The following FRMPD4 variants were observed in gnomAD, a reference collection of about 807,000 sequenced individuals.
The protein encoded by FRMPD4 is FERM and PDZ domain containing 4.
In FRMPD4, 22 loss-of-function variants were observed where a neutral mutation model predicts 94.1. The ratio of observed to expected loss-of-function variants is 0.23; its 90% confidence interval spans 0.17 to 0.33. The LOEUF is 0.33. Among genes scored for constraint, FRMPD4 ranks in the 10% least tolerant of loss-of-function variants. The pLI is 1.00. For synonymous variants in FRMPD4, 631 were observed against 548.6 expected (o/e 1.15, Z -2.10); for missense variants, 1,111 against 1,339.9 (o/e 0.83, Z 2.67).
chrX:12,348,286 C>G (rs1294598596), intron 1 of FRMPD4, among the ~76,000 whole-genome samples: 1 of 111,928 alleles, frequency 8.9e-6, no homozygotes, highest in Non-Finnish European at 1.9e-5. Context: ...CATTCTCCAT[C>G]CACTGAAGTC....
At chrX:12,610,946 A>T (rs2059177293) in intron 3 of FRMPD4, among the ~76,000 whole-genome samples, 2 of 111,413 alleles carry the variant, frequency 1.8e-5, no homozygotes. Context: ...CATGAGAAGA[A>T]ATGATCATTG....
At chrX:11,880,906 G>C (rs182761251) in intron 3 of FRMPD4, among the ~76,000 whole-genome samples, 120 of 112,271 alleles carry the variant, frequency 1.1e-3, no homozygotes, top group African/African-American at 3.5e-3. Flanking sequence ...ACCTCCCAAA[G>C]TGTTGGGATT....
chrX:12,341,100 A>G (rs1269666256), intron 1 of FRMPD4, among the ~76,000 whole-genome samples: 1 of 112,114 alleles, frequency 8.9e-6, no homozygotes, highest in Non-Finnish European at 1.9e-5. Flanking sequence ...TTTTCAAGTC[A>G]GTTTTTAAAT....
chrX:12,175,590 G>A (rs1472662279), intron 1 of FRMPD4, among the ~76,000 whole-genome samples: 1 of 112,081 alleles, frequency 8.9e-6, no homozygotes, highest in Non-Finnish European at 1.9e-5. Flanking sequence ...CGTGATCTCT[G>A]CTCATTGCAA....
intron 1 of FRMPD4, among the ~76,000 whole-genome samples, chrX:12,249,456 G>T (rs2054003061): frequency 1.8e-5 from 2 of 111,434 alleles, no homozygotes; most frequent in Non-Finnish European, 1.9e-5. Flanking sequence ...ACCCAAACCA[G>T]ATGAGCTGCT....
At chrX:12,187,843 T>C (rs377687960) in intron 1 of FRMPD4, among the ~76,000 whole-genome samples, 4 of 111,943 alleles carry the variant, frequency 3.6e-5, no homozygotes, top group African/African-American at 1.3e-4. Flanking sequence ...TTATTCCTTT[T>C]TGTGAGTCAC....
chrX:12,396,698 A>C (rs1385294524), intron 1 of FRMPD4, among the ~76,000 whole-genome samples: 1 of 112,039 alleles, frequency 8.9e-6, no homozygotes, highest in African/African-American at 3.2e-5. Context: ...GCACATACTC[A>C]TAATATCTAC....
chrX:11,946,113 A>G (rs1601850168), intron 3 of FRMPD4, among the ~76,000 whole-genome samples: 2 of 112,282 alleles, frequency 1.8e-5, no homozygotes. Context: ...AAAGCTTTAA[A>G]AAGTTTTGGA....
intron 1 of FRMPD4, among the ~76,000 whole-genome samples, chrX:12,360,975 C>G (rs867649637): frequency 1.2e-5 from 1 of 82,080 alleles, no homozygotes; most frequent in Non-Finnish European, 2.5e-5. Flanking sequence ...AAAAAAAAAA[C>G]GGTAAGTATT....
chrX:12,095,749 C>G (rs1024713773), intron 3 of FRMPD4, among the ~76,000 whole-genome samples: 5 of 112,374 alleles, frequency 4.4e-5, no homozygotes, highest in African/African-American at 1.6e-4. Flanking sequence ...TAATGTCCCC[C>G]TATGGGTCCT....
Position 12,379,642 on chromosome X carries a change from C to CTGTGT in FRMPD4, c.42-119038_42-119037insTGTGT, listed in dbSNP as rs775017261. On this transcript the variant is annotated intron_variant, in intron 1 of 16. Transcript: ENST00000675598. ...AATATACATTTTATTGATATGCTGC[C>CTGTGT]GTGTGTGTGTGTGTGTGTGTGTGTG... is the stretch of plus-strand genomic sequence containing the variant. 4.4e-5 allele frequency among the ~76,000 whole-genome samples: 4 copies of CTGTGT among 89,978 alleles called. No homozygotes were observed. In the East Asian group the frequency reaches 1.4e-3, roughly 32 times the overall value. The allele number at this position is 89,978 out of a possible 115,157, so 78.1% of individuals were successfully genotyped here.
At chrX:11,986,985 A>G (rs2054432924) in intron 3 of FRMPD4, among the ~76,000 whole-genome samples, 1 of 107,855 alleles carries the variant, frequency 9.3e-6, no homozygotes, top group Admixed American at 1.0e-4. Context: ...TTAAAGAAGA[A>G]CTAATATCAA....
At chrX:12,637,617 CCA>C (rs2059454988) in intron 4 of FRMPD4, among the ~76,000 whole-genome samples, 1 of 110,969 alleles carries the variant, frequency 9.0e-6, no homozygotes, top group Non-Finnish European at 1.9e-5. Flanking sequence ...GAGTTGGAGA[CCA>C]CAGTGAGTTC....
chrX:12,521,430 T>C (rs2058160760), intron 2 of FRMPD4, among the ~76,000 whole-genome samples: 1 of 111,946 alleles, frequency 8.9e-6, no homozygotes, highest in South Asian at 3.7e-4. Context: ...ATTGTCACAA[T>C]ATGTTTGTTA....
At position 12,721,507 on chromosome X, in the gene FRMPD4, A is replaced by G. The variant is rs373274415; in HGVS notation, c.4938A>G (p.Leu1646=). Residue 1646 remains leucine, a synonymous_variant, in exon 17 of 17, where the codon TTA becomes TTG. Transcript: ENST00000675598. ...DLTLSQYKQL[L]SIESRQLGSA... is the part of the protein sequence containing the mutation. ...CACTTTCTCAGTACAAGCAACTGTT[A>G]TCCATTGAGTCCAGACAGTTGGGAA... 5.3e-6 allele frequency: 4 copies of G among 753,305 alleles called. No individual in the cohort carries two copies. The African/African-American group carries it at 9.3e-5, about 17-fold the overall frequency. 62.1% of individuals were successfully genotyped at this position (753,305 alleles called of 1,213,427 possible).
chrX:12,707,718 G>A (rs1267121590), intron 13 of FRMPD4, 67 bp downstream of exon 13: 4 of 889,718 alleles, frequency 4.5e-6, no homozygotes, highest in Non-Finnish European at 6.4e-6. Context: ...CACTGCAGAT[G>A]TTTACAAGGC....
At chrX:11,981,165 A>G (rs964404423) in intron 3 of FRMPD4, among the ~76,000 whole-genome samples, 2 of 112,299 alleles carry the variant, frequency 1.8e-5, no homozygotes, top group Non-Finnish European at 3.8e-5. Context: ...TAGCATGGAT[A>G]CATTCAAATT....
At chrX:11,897,001 TG>T (rs1308210781) in intron 3 of FRMPD4, among the ~76,000 whole-genome samples, 1 of 110,832 alleles carries the variant, frequency 9.0e-6, no homozygotes, top group Non-Finnish European at 1.9e-5. Context: ...GTCTTGTGTT[TG>T]GGGGTTTGGA....
intron 3 of FRMPD4, among the ~76,000 whole-genome samples, chrX:11,985,014 C>G (rs1286386116): frequency 4.5e-5 from 5 of 111,964 alleles, no homozygotes; most frequent in Non-Finnish European, 7.5e-5. Context: ...TAGGGGGCCA[C>G]TATTAAGAAC....
Sources: gnomAD v4.1 joint callset for allele counts (sites outside exome capture counted in the v4.1 genomes callset) on GRCh38, gnomAD v4.1.1 for gene constraint, MANE v1.5 for transcripts, NCBI Gene and HGNC (gene_info 2026-07-23, HGNC 2026-07-21) for gene names.